The following ACAD9 variants were observed in gnomAD, a reference collection of about 807,000 sequenced individuals.
ACAD9 encodes the protein complex I assembly factor ACAD9, mitochondrial.
In ACAD9, 53 loss-of-function variants were observed where a neutral mutation model predicts 70.2. The observed-to-expected ratio is 0.75, with a 90% CI of 0.61 to 0.95. The LOEUF (loss-of-function observed/expected upper bound fraction) is 0.95. Ranked by LOEUF, ACAD9 falls within the 40% of genes least tolerant of loss-of-function variation. The pLI, the probability that ACAD9 is intolerant of heterozygous loss-of-function variation, is 0.00. For synonymous variants in ACAD9, 313 were observed against 312.1 expected (o/e 1.00, Z -0.03); for missense variants, 777 against 802.8 (o/e 0.97, Z 0.39).
intron 2 of ACAD9, among the ~76,000 whole-genome samples, chr3:128,889,471 C>T (rs1051536788): frequency 2.0e-5 from 3 of 152,190 alleles, no homozygotes; most frequent in African/African-American, 7.2e-5. Context: ...CCCTCAGGAG[C>T]CATCAGTGCA....
At chr3:128,910,859 G>A (rs768560744) in intron 17 of ACAD9, 46 bp downstream of exon 17, 1 of 1,600,036 alleles carries the variant, frequency 6.2e-7, no homozygotes. Context: ...CCACTTCTAG[G>A]CCCCTATTGA....
intron 4 of ACAD9, among the ~76,000 whole-genome samples, chr3:128,896,007 C>G (rs1402737673): frequency 2.6e-5 from 4 of 152,226 alleles, no homozygotes; most frequent in African/African-American, 9.6e-5. Flanking sequence ...ACAGCCCTGA[C>G]ACTGAGCACC....
Position 128,906,250 on chromosome 3 carries a change from G to A in ACAD9, c.1278+1G>A, listed in dbSNP as rs766305690. On this transcript the variant is annotated splice_donor_variant, in intron 12 of 17. Transcript: ENST00000308982. LOFTEE classifies it high-confidence loss of function. ...CACCCGCATCCTCCTCATCTTCGAG[G>A]TGAGTGGCCCCGCCACCAGCTAAGC... 4.3e-6 allele frequency: 7 copies of A among 1,614,010 alleles called. No individual in the cohort carries two copies. The highest frequency in any genetic ancestry group is 5.9e-6 in the Non-Finnish European group (7 of 1,180,026).
At chr3:128,907,659 G>A (rs1234987183) in intron 12 of ACAD9, among the ~76,000 whole-genome samples, 1 of 152,232 alleles carries the variant, frequency 6.6e-6, no homozygotes, top group Non-Finnish European at 1.5e-5. Flanking sequence ...CAGTACCATT[G>A]TGCAGAGTGG....
Position 128,910,273 on chromosome 3 carries a change from G to A in ACAD9, c.1692+124G>A, listed in dbSNP as rs73862593. 2.7e-3 allele frequency: 4,120 copies of A among 1,529,172 alleles called. 98 individuals are homozygous for A. In the African/African-American group the frequency reaches 0.048, roughly 18 times the overall value. The allele number at this position is 1,529,172 out of a possible 1,614,324, so 94.7% of individuals were successfully genotyped here. ...GGGAGGCTGTGCAGGTTCACCATGC[G>A]GTGGCCGTGGGAGGGTCTGTGCTGC... On this transcript the variant is annotated intron_variant, in intron 16 of 17. Coordinates refer to ENST00000308982, the MANE Select transcript of ACAD9 (RefSeq NM_014049.5).
intron 1 of ACAD9, among the ~76,000 whole-genome samples, chr3:128,880,595 G>A (rs1206023758): frequency 6.6e-6 from 1 of 151,022 alleles, no homozygotes; most frequent in Non-Finnish European, 1.5e-5. Flanking sequence ...TCACCATGTT[G>A]GCCAAGCTGG....
At chr3:128,900,645 G>A (rs982678516) in intron 7 of ACAD9, among the ~76,000 whole-genome samples, 3 of 151,800 alleles carry the variant, frequency 2.0e-5, no homozygotes, top group African/African-American at 7.3e-5. Context: ...TTATAGGCAT[G>A]AGCCACCATA....
intron 13 of ACAD9, 97 bp downstream of exon 13, chr3:128,908,361 G>A (rs1935968204): frequency 2.8e-6 from 4 of 1,416,526 alleles, no homozygotes; most frequent in Non-Finnish European, 4.0e-6. Context: ...TTGACCTGGA[G>A]TGGGGGCATG....
intron 2 of ACAD9, among the ~76,000 whole-genome samples, chr3:128,892,357 G>A (rs1352895970): frequency 6.6e-6 from 1 of 152,180 alleles, no homozygotes; most frequent in Admixed American, 6.5e-5. Flanking sequence ...TTCTCTTAGT[G>A]ACCCATGTAT....
chr3:128,890,251 AT>A (rs1028517720), intron 2 of ACAD9, among the ~76,000 whole-genome samples: 57 of 152,112 alleles, frequency 3.7e-4, no homozygotes, highest in African/African-American at 1.3e-3. Flanking sequence ...CATCTGGCTA[AT>A]TTTTGGTATT....
At chr3:128,907,812 C>T (rs1181616644) in intron 12 of ACAD9, among the ~76,000 whole-genome samples, 2 of 152,228 alleles carry the variant, frequency 1.3e-5, no homozygotes, top group African/African-American at 4.8e-5. Context: ...AGGAATCTGG[C>T]CTCCACCTGG....
intron 6 of ACAD9, 43 bp downstream of exon 6, chr3:128,897,753 AC>A: frequency 6.4e-7 from 1 of 1,561,680 alleles, no homozygotes; most frequent in Non-Finnish European, 8.8e-7. Flanking sequence ...CTCAGTCACA[AC>A]CTTCACTGCC....
At chr3:128,911,427 G>T (rs1936305356) in intron 17 of ACAD9, among the ~76,000 whole-genome samples, 1 of 152,092 alleles carries the variant, frequency 6.6e-6, no homozygotes, top group Admixed American at 6.5e-5. Context: ...TGCCCAGCAT[G>T]CCTGGCTGTA....
intron 7 of ACAD9, among the ~76,000 whole-genome samples, chr3:128,900,610 G>C (rs1346054267): frequency 2.0e-5 from 3 of 150,618 alleles, no homozygotes; most frequent in Non-Finnish European, 2.9e-5. Flanking sequence ...TGATCTTCCT[G>C]CCTCTGCCTC....
chr3:128,910,097 T>C lies in ACAD9; in HGVS notation c.1640T>C (p.Leu547Pro), dbSNP rs888969773. The C allele has an allele frequency of 8.1e-6, 13 of 1,613,750 alleles. No homozygotes were observed. Among genetic ancestry groups the C allele is most frequent in the Non-Finnish European group, 1.1e-5 (13 of 1,180,008 alleles). ...AACCTGTATGGCATGACGGCCGTGC[T>C]GTCGCGGGCCAGCCGCTCCATCCGC... ...LINLYGMTAVLSRASRSIRIG... is the reference protein window; with the variant it reads ...LINLYGMTAVPSRASRSIRIG... The change falls in exon 16 of 18, where the codon CTG becomes CCG. Residue 547 changes from leucine (L) to proline (P), a missense_variant. Leu to Pro is a moderately conservative substitution (Grantham distance 98). Transcript: ENST00000308982.
In ACAD9 at chr3:128,910,143, C is replaced by T. The variant is rs1936103397; in HGVS notation, c.1686C>T (p.Asp562=). 2.5e-6 allele frequency: 4 copies of T among 1,614,088 alleles called. No homozygotes were observed. The highest frequency in any genetic ancestry group is 1.1e-5 in the South Asian group (1 of 91,078). ...TCCGCATTGGGCTCCGCAACCACGA[C>T]CACGAGGTGAGCCCAGCCCAGCCTC... ...RSIRIGLRNH[D]HEVLLANTFC... The change falls in exon 16 of 18, where the codon GAC becomes GAT. Residue 562 remains aspartate (D), a synonymous_variant. Coordinates refer to ENST00000308982, the MANE Select transcript of ACAD9 (RefSeq NM_014049.5).
At chr3:128,910,359 G>C in intron 16 of ACAD9, 1 of 1,465,034 alleles carries the variant, frequency 6.8e-7, no homozygotes, top group Non-Finnish European at 9.0e-7. Flanking sequence ...GTGAGTGACA[G>C]GGGTTCCTGA....
intron 4 of ACAD9, among the ~76,000 whole-genome samples, chr3:128,896,044 A>G (rs1423229530): frequency 6.6e-6 from 1 of 151,976 alleles, no homozygotes; most frequent in Non-Finnish European, 1.5e-5. Flanking sequence ...TGGTTCCAGC[A>G]CTCCTGTGTC....
intron 1 of ACAD9, among the ~76,000 whole-genome samples, chr3:128,881,429 T>C (rs1935090516): frequency 6.6e-6 from 1 of 152,236 alleles, no homozygotes; most frequent in Non-Finnish European, 1.5e-5. Flanking sequence ...CCGCTGCATA[T>C]GTGCCGGTAT....
Sources: allele counts gnomAD v4.1 joint callset (sites outside exome capture counted in the v4.1 genomes callset), GRCh38; gene constraint gnomAD v4.1.1; transcripts MANE v1.5; gene names NCBI Gene and HGNC (gene_info 2026-07-23, HGNC 2026-07-21).